The following BRINP2 variants were observed in gnomAD, a reference collection of about 807,000 sequenced individuals.
BRINP2 encodes BMP/retinoic acid inducible neural specific 2, also known as BMP/retinoic acid-inducible neural-specific protein 2.
In BRINP2, 21 loss-of-function variants were observed where a neutral mutation model predicts 69.2. The observed-to-expected ratio is 0.30, with a 90% confidence interval of 0.22 to 0.44. BRINP2 has a LOEUF of 0.44. Among genes scored for constraint, BRINP2 ranks in the 20% least tolerant of loss-of-function variants. The probability of loss-of-function intolerance (pLI) is 1.00; values close to 1 mark genes in which losing one functional copy is unlikely to be tolerated. For missense variants in BRINP2, 877 were observed against 986.0 expected, an observed-to-expected ratio of 0.89 and a Z score of 1.48; for synonymous variants, 380 against 394.1, an observed-to-expected ratio of 0.96 and a Z score of 0.42.
At chr1:177,175,543 C>T (rs1648065659) in intron 1 of BRINP2, among the ~76,000 whole-genome samples, 1 of 152,190 alleles carries the variant, frequency 6.6e-6, no homozygotes, top group African/African-American at 2.4e-5. Context: ...CTGGTCTTCA[C>T]GTGGTTTGGG....
chr1:177,276,768 A>G (rs945549283), intron 6 of BRINP2, among the ~76,000 whole-genome samples: 2 of 152,244 alleles, frequency 1.3e-5, no homozygotes, highest in Non-Finnish European at 2.9e-5. Context: ...AAGGTTCGCT[A>G]TAAATATCTG....
chr1:177,276,143 A>G, intron 5 of BRINP2, 55 bp from the exon 6 acceptor site: 1 of 1,524,394 alleles, frequency 6.6e-7, no homozygotes, highest in Non-Finnish European at 9.0e-7. Context: ...TGGGCATGGG[A>G]AACTGAGTCC....
intron 1 of BRINP2, among the ~76,000 whole-genome samples, chr1:177,216,805 C>T (rs1160472098): frequency 6.7e-6 from 1 of 148,830 alleles, no homozygotes; most frequent in Non-Finnish European, 1.5e-5. Context: ...TTCACTTCAC[C>T]ACTTTGAATA....
chr1:177,252,154 T>C (rs1227520073), intron 2 of BRINP2, among the ~76,000 whole-genome samples: 1 of 152,204 alleles, frequency 6.6e-6, no homozygotes, highest in East Asian at 1.9e-4. Flanking sequence ...AAAATACTTT[T>C]GACAAATACT....
rs1648324186 is a variant in BRINP2 at position 177,183,338 on chromosome 1, T to C, written c.-77+11606T>C. ...ATATGACAAAAATCCATTTTTATGC[T>C]TAGGAAAATTGGCTAATTTTAAAAC... On this transcript the variant is annotated intron_variant, in intron 1 of 7. Coordinates refer to ENST00000361539, the MANE Select transcript of BRINP2 (RefSeq NM_021165.4). 2.6e-5 allele frequency among the ~76,000 whole-genome samples: 4 copies of C among 152,130 alleles called. No individual in the cohort carries two copies. The South Asian group carries it at 8.3e-4, about 32-fold the overall frequency.
At chr1:177,270,536 G>C (rs998297248) in intron 4 of BRINP2, among the ~76,000 whole-genome samples, 2 of 151,974 alleles carry the variant, frequency 1.3e-5, no homozygotes, top group Non-Finnish European at 2.9e-5. Flanking sequence ...AGGCAGGGAT[G>C]GGGGAGGGAG....
chr1:177,198,211 A>G (rs1000787577), intron 1 of BRINP2, among the ~76,000 whole-genome samples: 2 of 152,226 alleles, frequency 1.3e-5, no homozygotes, highest in African/African-American at 4.8e-5. Flanking sequence ...CATATATATT[A>G]CATCTAAACA....
intron 1 of BRINP2, among the ~76,000 whole-genome samples, chr1:177,214,152 C>G (rs1051830196): frequency 1.9e-4 from 29 of 152,168 alleles, no homozygotes; most frequent in Admixed American, 3.9e-4. Context: ...GAATTAAAGG[C>G]CGGGTGCGGT....
At chr1:177,260,802 G>A (rs1208652049) in intron 4 of BRINP2, among the ~76,000 whole-genome samples, 1 of 152,210 alleles carries the variant, frequency 6.6e-6, no homozygotes, top group Non-Finnish European at 1.5e-5. Flanking sequence ...ATAGACTACA[G>A]TATAGTGTAA....
intron 1 of BRINP2, among the ~76,000 whole-genome samples, chr1:177,220,899 C>A (rs1263763414): frequency 6.6e-6 from 1 of 152,176 alleles, no homozygotes; most frequent in African/African-American, 2.4e-5. Context: ...CTTATGAGGC[C>A]ATGCTGACAG....
Position 177,172,704 on chromosome 1 carries a change from G to A in BRINP2, c.-77+972G>A, listed in dbSNP as rs138378669. 7.2e-5 allele frequency among the ~76,000 whole-genome samples: 11 copies of A among 152,288 alleles called. No individual in the cohort carries two copies. The East Asian group carries it at 1.9e-3, about 27-fold the overall frequency. ...TAACCAATGTTCAAGCTAATGCACTGTAATGTGATTGAACAGACCCCTCTG... is the reference window on the plus strand; with the variant it reads ...TAACCAATGTTCAAGCTAATGCACTATAATGTGATTGAACAGACCCCTCTG... On this transcript the variant is annotated intron_variant, in intron 1 of 7. Coordinates refer to ENST00000361539, the MANE Select transcript of BRINP2 (RefSeq NM_021165.4).
chr1:177,194,031 GTA>G (rs1648668639), intron 1 of BRINP2, among the ~76,000 whole-genome samples: 4 of 152,124 alleles, frequency 2.6e-5, no homozygotes, highest in Non-Finnish European at 5.9e-5. Context: ...CTTTTACATA[GTA>G]TTGTTGCAAT....
At chr1:177,243,004 A>T (rs886804643) in intron 2 of BRINP2, among the ~76,000 whole-genome samples, 2 of 152,194 alleles carry the variant, frequency 1.3e-5, no homozygotes, top group Non-Finnish European at 2.9e-5. Context: ...TCTCATTAGT[A>T]ATATTGGTGG....
At chr1:177,203,005 C>A (rs1236065004) in intron 1 of BRINP2, among the ~76,000 whole-genome samples, 8 of 152,080 alleles carry the variant, frequency 5.3e-5, no homozygotes. Flanking sequence ...ATAAATCATG[C>A]TGCTATAAAG....
At chr1:177,205,212 C>T (rs889129918) in intron 1 of BRINP2, among the ~76,000 whole-genome samples, 9 of 152,186 alleles carry the variant, frequency 5.9e-5, no homozygotes, top group East Asian at 1.9e-4. Context: ...GGCATGATCT[C>T]GGCTCACAAT....
In BRINP2 at chr1:177,171,163, G is replaced by GT. The variant is rs1647916590; in HGVS notation, c.-646_-645insT. On this transcript the variant is annotated 5_prime_UTR_variant, in exon 1 of 8. It removes the in-frame stop codon of an upstream open reading frame in the 5' UTR. Coordinates refer to ENST00000361539, the MANE Select transcript of BRINP2 (RefSeq NM_021165.4). ...CTCCGAGGTCAGTGGCAGGTCTGCA[G>GT]GCAGCCGAGGGAGCGGTGAAGCCGG... is the stretch of plus-strand genomic sequence containing the variant. 6.6e-6 allele frequency among the ~76,000 whole-genome samples: 1 copy of GT among 152,236 alleles called. No homozygotes were observed. The highest frequency in any genetic ancestry group is 1.5e-5 in the Non-Finnish European group (1 of 68,044).
chr1:177,229,297 G>A (rs1477599607), intron 1 of BRINP2, among the ~76,000 whole-genome samples: 1 of 152,194 alleles, frequency 6.6e-6, no homozygotes, highest in African/African-American at 2.4e-5. Context: ...AGGAACTTCA[G>A]TACTTTTCTA....
rs79289056 is a variant in BRINP2 at position 177,226,696 on chromosome 1, G to A, written c.-76-3105G>A. Among the ~76,000 whole-genome samples, 15 of 152,328 alleles carry A rather than the reference G, an allele frequency of 9.8e-5. 1 individual carries two copies. In the East Asian group the frequency reaches 2.9e-3, roughly 29 times the overall value. ...CAGACTGAAATCCAGGTGCTAGACA[G>A]GGAAGCAGTCCTTATCCAAGGCTCT... On this transcript the variant is annotated intron_variant, in intron 1 of 7. Coordinates refer to ENST00000361539, the MANE Select transcript of BRINP2 (RefSeq NM_021165.4).
chr1:177,239,016 A>T (rs1236791614), intron 2 of BRINP2, among the ~76,000 whole-genome samples: 1 of 152,216 alleles, frequency 6.6e-6, no homozygotes, highest in Non-Finnish European at 1.5e-5. Flanking sequence ...AACCAATAAG[A>T]CAGGGAACCT....
Sources: allele counts gnomAD v4.1 joint callset (sites outside exome capture counted in the v4.1 genomes callset), GRCh38; gene constraint gnomAD v4.1.1; transcripts MANE v1.5; gene names NCBI Gene and HGNC (gene_info 2026-07-23, HGNC 2026-07-21).